The following ZFHX3 variants were observed in gnomAD, a reference collection of about 807,000 sequenced individuals.
The protein encoded by ZFHX3 is zinc finger homeobox protein 3.
ZFHX3 carries 42 observed loss-of-function variants against 279.1 expected under a neutral mutation model. The ratio of observed to expected loss-of-function variants is 0.15; its 90% CI spans 0.12 to 0.19. The LOEUF (loss-of-function observed/expected upper bound fraction) is 0.19. Ranked by LOEUF, ZFHX3 falls within the 10% of genes least tolerant of loss-of-function variation. The pLI is 1.00. For missense variants in ZFHX3, 4,981 were observed against 4,754.0 expected, an observed-to-expected ratio of 1.05 and a Z score of -1.40; for synonymous variants, 2,293 against 1,957.8, an observed-to-expected ratio of 1.17 and a Z score of -4.52.
At chr16:73,053,667 A>C (rs1316830094) in intron 1 of ZFHX3, among the ~76,000 whole-genome samples, 1 of 152,160 alleles carries the variant, frequency 6.6e-6, no homozygotes, top group Non-Finnish European at 1.5e-5. Context: ...CATCTTCCCC[A>C]GCGGGCAAAC....
intron 2 of ZFHX3, among the ~76,000 whole-genome samples, chr16:73,629,038 T>C (rs948337830): frequency 1.4e-4 from 22 of 152,136 alleles, no homozygotes; most frequent in African/African-American, 5.1e-4. Context: ...TATCACACAC[T>C]GTAATAAACC....
chr16:73,024,107 G>A (rs1009683198), intron 1 of ZFHX3, among the ~76,000 whole-genome samples: 4 of 152,146 alleles, frequency 2.6e-5, no homozygotes, highest in African/African-American at 7.2e-5. Flanking sequence ...AGTCTGCATC[G>A]AATCAAGGTC....
chr16:72,992,926 C>T (rs556684697), intron 1 of ZFHX3, among the ~76,000 whole-genome samples: 5 of 152,348 alleles, frequency 3.3e-5, no homozygotes, highest in Middle Eastern at 3.4e-3. Flanking sequence ...CACCTGAGGT[C>T]AGGAGTTTGA....
intron 5 of ZFHX3, among the ~76,000 whole-genome samples, chr16:73,180,499 C>T (rs1176820801): frequency 6.6e-6 from 1 of 152,138 alleles, no homozygotes; most frequent in Non-Finnish European, 1.5e-5. Context: ...CGAAGCCACG[C>T]CCATCAGAGG....
intron 1 of ZFHX3, among the ~76,000 whole-genome samples, chr16:73,779,699 C>T (rs1005462614): frequency 2.0e-5 from 3 of 152,170 alleles, no homozygotes; most frequent in African/African-American, 7.2e-5. Context: ...ACAAAGATAC[C>T]TTTGATGAAA....
intron 5 of ZFHX3, among the ~76,000 whole-genome samples, chr16:72,828,797 G>A (rs2036993797): frequency 6.6e-6 from 1 of 151,846 alleles, no homozygotes; most frequent in Admixed American, 6.6e-5. Flanking sequence ...CGACCTCCCT[G>A]GCTCAAGCAT....
intron 3 of ZFHX3, among the ~76,000 whole-genome samples, chr16:73,416,978 C>T (rs2017600764): frequency 6.6e-6 from 1 of 152,042 alleles, no homozygotes; most frequent in Non-Finnish European, 1.5e-5. Flanking sequence ...AACTTTGCGG[C>T]ATGAAAACCT....
intron 3 of ZFHX3, chr16:73,401,963 G>A (rs2017264677): frequency 6.6e-6 from 1 of 152,196 alleles, no homozygotes. Flanking sequence ...TCATAGGCAA[G>A]TTAGTAGGAC....
In ZFHX3 at chr16:73,091,732, A is replaced by C. The variant is rs143938079; in HGVS notation, c.-533+1503T>G. On this transcript the variant is annotated intron_variant, in intron 8 of 17. Coordinates refer to the ZFHX3 transcript ENST00000641206. ...GAGTCTTCATTCAGAAATTCGCAAA[A>C]TATAGCATTTGACAGTGCCACTTAA... Among the ~76,000 whole-genome samples the C allele has an allele frequency of 4.4e-3, 664 of 152,358 alleles. 4 individuals are homozygous for C. Among genetic ancestry groups the C allele is most frequent in the African/African-American group, 0.015 (631 of 41,580 alleles).
intron 1 of ZFHX3, among the ~76,000 whole-genome samples, chr16:73,733,272 T>TA (rs1169691862): frequency 2.0e-5 from 3 of 152,154 alleles, no homozygotes; most frequent in Non-Finnish European, 4.4e-5. Context: ...TATCTTCTAC[T>TA]AAAAAATTTA....
intron 2 of ZFHX3, among the ~76,000 whole-genome samples, chr16:73,464,123 T>C (rs1354022914): frequency 6.6e-6 from 1 of 152,082 alleles, no homozygotes; most frequent in Non-Finnish European, 1.5e-5. Flanking sequence ...CATCAAATAT[T>C]ACTGGGAATT....
At chr16:73,154,233 G>C (rs1015442390) in intron 5 of ZFHX3, among the ~76,000 whole-genome samples, 1 of 152,170 alleles carries the variant, frequency 6.6e-6, no homozygotes, top group Non-Finnish European at 1.5e-5. Context: ...GCCTGCTTCC[G>C]ATGGCCTTTC....
chr16:73,172,931 G>GTTT lies in ZFHX3; in HGVS notation c.-1103-29103_-1103-29101dup, dbSNP rs376709821. ...ATTTCTCATGGTGGGGCTGCCTGTGGTTTTTTTTTTTTTTTTTCTTTCTTT... is the reference window on the plus strand; with the variant it reads ...ATTTCTCATGGTGGGGCTGCCTGTGGTTTTTTTTTTTTTTTTTTTTCTTTCTTT... On this transcript the variant is annotated intron_variant, in intron 5 of 17. Transcript: ENST00000641206. Among the ~76,000 whole-genome samples, 314 of 97,144 alleles carry GTTT rather than the reference G, an allele frequency of 3.2e-3. 4 individuals are homozygous for GTTT. The highest frequency in any genetic ancestry group is 7.1e-3 in the Middle Eastern group (1 of 140). 63.7% of individuals were successfully genotyped at this position (97,144 alleles called of 152,430 possible). A position where few individuals can be genotyped will look rare whatever the true frequency, so the allele number is the denominator to read the frequency against.
rs869289153 is a variant in ZFHX3, at chr16:73,173,008, GTT to G, written c.-1103-29179_-1103-29178del. 9.8e-3 allele frequency among the ~76,000 whole-genome samples: 491 copies of G among 49,954 alleles called. 2 individuals carry two copies. The highest frequency in any genetic ancestry group is 0.014 in the Admixed American group (34 of 2,498). The allele number at this position is 49,954 out of a possible 152,430, so 32.8% of individuals were successfully genotyped here. On this transcript the variant is annotated intron_variant, in intron 5 of 17. Transcript: ENST00000641206. ...GGACTGTTTTTTTGTTTTTTTTTTT[GTT>G]TTTTTTTTTTTTTTTTGGGAGGGGA... is the stretch of plus-strand genomic sequence containing the variant.
At chr16:72,838,867 C>T (rs572494593) in intron 4 of ZFHX3, among the ~76,000 whole-genome samples, 27 of 151,948 alleles carry the variant, frequency 1.8e-4, no homozygotes, top group Non-Finnish European at 3.2e-4. Flanking sequence ...CGAAATATGT[C>T]GCGGACTCGC....
rs867168176 is a variant in ZFHX3 at position 72,957,780 on chromosome 16, G to C, written c.2366C>G (p.Ser789Cys). ...TTTGGTCGGCGAGGGGGCCCCGCAG[G>C]AGCTACTGATATTGGCTGCCGCCGC... ...AAAAAANISSSCGAPSPTKPK... is the reference protein window; with the variant it reads ...AAAAAANISSCCGAPSPTKPK... The change falls in exon 2 of 10, where the codon TCC (serine) becomes TGC (cysteine). Residue 789 changes from serine to cysteine, a missense_variant. Around this residue, in one of 7 missense-constraint regions of ZFHX3, gnomAD observed 1,751 missense variants for 1,770.0 expected, o/e 0.99. Transcript: ENST00000268489. The C allele has an allele frequency of 3.1e-6, 5 of 1,613,888 alleles. No individual in the cohort carries two copies. The highest frequency in any genetic ancestry group is 2.7e-5 in the African/African-American group (2 of 74,920).
intron 1 of ZFHX3, among the ~76,000 whole-genome samples, chr16:73,002,890 T>C (rs1963552293): frequency 6.6e-6 from 1 of 152,250 alleles, no homozygotes; most frequent in South Asian, 2.1e-4. Context: ...ATATTCACTA[T>C]GCGGAGCTCA....
intron 2 of ZFHX3, among the ~76,000 whole-genome samples, chr16:73,600,075 C>G (rs1033162866): frequency 1.8e-4 from 28 of 152,178 alleles, no homozygotes; most frequent in Admixed American, 1.8e-3. Context: ...ACCATGCCAA[C>G]ATTTTGTAAG....
chr16:73,227,392 TATAGG>T (rs1363990698), intron 5 of ZFHX3, among the ~76,000 whole-genome samples: 5 of 152,138 alleles, frequency 3.3e-5, no homozygotes, highest in African/African-American at 1.2e-4. Flanking sequence ...ACTTTCTACT[TATAGG>T]AGAGAAAATT....
Sources: gnomAD v4.1 joint callset for allele counts (sites outside exome capture counted in the v4.1 genomes callset) on GRCh38, gnomAD v4.1.1 for gene constraint, gnomAD v4.1.1 regional missense constraint, MANE v1.5 for transcripts, NCBI Gene and HGNC (gene_info 2026-07-23, HGNC 2026-07-21) for gene names.